Variants in DUSP22 observed in about 807,000 individuals in gnomAD.
The protein encoded by DUSP22 is dual specificity protein phosphatase 22.
In DUSP22, 24 loss-of-function variants were observed where a neutral mutation model predicts 24.5. That is an observed-to-expected ratio of 0.98 (90% CI 0.71 to 1.38). The LOEUF is 1.38. Ranked by LOEUF, DUSP22 falls within the 40% of genes most tolerant of loss-of-function variation. The pLI, the probability that DUSP22 is intolerant of heterozygous loss-of-function variation, is 0.00. For missense variants in DUSP22, 330 were observed against 269.2 expected (o/e 1.23, Z -1.58); for synonymous variants, 160 against 106.4 (o/e 1.50, Z -3.10).
chr6:332,145 C>G (rs934330815), intron 3 of DUSP22, among the ~76,000 whole-genome samples: 7 of 152,296 alleles, frequency 4.6e-5, no homozygotes, highest in African/African-American at 1.7e-4. Flanking sequence ...CTGCTGTGTG[C>G]CGGGCACCCT....
At chr6:343,659 G>GTGTGCATGTTTGCGTGTGCATGTTTGCA (rs1554102510) in intron 4 of DUSP22, among the ~76,000 whole-genome samples, 46 of 149,840 alleles carry the variant, frequency 3.1e-4, no homozygotes, top group Non-Finnish European at 1.7e-4. Context: ...CAGAACATGT[G>GTGTGCATGTTTGCGTGTGCATGTTTGCA]TGTGCATGTT....
chr6:336,448 T>G (rs1229160780), intron 4 of DUSP22, among the ~76,000 whole-genome samples: 1 of 152,304 alleles, frequency 6.6e-6, no homozygotes, highest in Non-Finnish European at 1.5e-5. Flanking sequence ...GTGCCACCAC[T>G]CTGGGAGTTA....
intron 4 of DUSP22, 148 bp downstream of exon 4, chr6:335,311 G>GCCAA (rs1418842612): frequency 3.0e-5 from 31 of 1,035,932 alleles, no homozygotes; most frequent in Admixed American, 1.4e-4. Flanking sequence ...GCCTACAGAG[G>GCCAA]CCAACGCTAG....
chr6:344,921 C>T (rs893242212), intron 4 of DUSP22, among the ~76,000 whole-genome samples: 2 of 152,294 alleles, frequency 1.3e-5, no homozygotes, highest in African/African-American at 4.8e-5. Context: ...CTGCACCATC[C>T]ACAGCTGGTG....
rs1581200490 is a variant in DUSP22, at chr6:351,087, G to A, written c.*2136G>A. On this transcript the variant is annotated 3_prime_UTR_variant, in exon 7 of 7. Transcript: ENST00000419235. ...TATCCCCACTGCTGTGGAGGTTTCT[G>A]TACCTCGCTTGGATGCCTGTAAGGA... is the stretch of plus-strand genomic sequence containing the variant. 1.4e-6 allele frequency: 1 copy of A among 734,294 alleles called. No homozygotes were observed. The highest frequency in any genetic ancestry group is 2.1e-6 in the Non-Finnish European group (1 of 467,480). 45.5% of individuals were successfully genotyped at this position (734,294 alleles called of 1,614,324 possible).
At chr6:337,521 G>A (rs962401212) in intron 4 of DUSP22, among the ~76,000 whole-genome samples, 1 of 152,302 alleles carries the variant, frequency 6.6e-6, no homozygotes, top group Non-Finnish European at 1.5e-5. Context: ...AGATATGCCA[G>A]CTTCTTCTCT....
At chr6:310,506 T>G (rs138995886) in intron 2 of DUSP22, among the ~76,000 whole-genome samples, 1 of 152,310 alleles carries the variant, frequency 6.6e-6, no homozygotes, top group Admixed American at 6.5e-5. Flanking sequence ...AGCCAACTGA[T>G]AGCTGATAGA....
At chr6:348,666 T>A (rs1414256181) in intron 6 of DUSP22, 103 bp from the exon 7 acceptor site, 2 of 1,543,672 alleles carry the variant, frequency 1.3e-6, no homozygotes, top group Non-Finnish European at 1.8e-6. Flanking sequence ...TTTCCCTGGT[T>A]ATGTGTGGCA....
At chr6:332,644 C>CTTTTTTTTTTTTTTTTT (rs3053546) in intron 3 of DUSP22, among the ~76,000 whole-genome samples, 3 of 148,066 alleles carry the variant, frequency 2.0e-5, no homozygotes, top group African/African-American at 7.4e-5. Context: ...TCCTGTCCTT[C>CTTTTTTTTTTTTTTTTT]TTTTTTTTTT....
chr6:337,759 T>C (rs1759421907), intron 4 of DUSP22, among the ~76,000 whole-genome samples: 1 of 152,308 alleles, frequency 6.6e-6, no homozygotes, highest in African/African-American at 2.4e-5. Context: ...AAGCAATTTT[T>C]CACCCCTCAC....
At chr6:300,708 C>A (rs1177800169) in intron 1 of DUSP22, among the ~76,000 whole-genome samples, 3 of 152,304 alleles carry the variant, frequency 2.0e-5, no homozygotes, top group Non-Finnish European at 4.4e-5. Context: ...CAGGAACAGA[C>A]CTGCTGTGCC....
chr6:348,760 C>T lies in DUSP22; in HGVS notation c.436-9C>T, dbSNP rs1461167882. ...TGTGACGTTTCGGGTTTGTTTCCAT[C>T]CTCTCCAGTATCGGCAGTGGCTGAA... On this transcript the variant is annotated splice_polypyrimidine_tract_variant and intron_variant, in intron 6 of 6. Transcript: ENST00000419235. 6.2e-7 allele frequency: 1 copy of T among 1,614,232 alleles called. No homozygotes were observed. Among genetic ancestry groups the T allele is most frequent in the East Asian group, 2.2e-5 (1 of 44,888 alleles).
At chr6:299,160 C>A (rs1050548653) in intron 1 of DUSP22, among the ~76,000 whole-genome samples, 1 of 152,300 alleles carries the variant, frequency 6.6e-6, no homozygotes, top group Non-Finnish European at 1.5e-5. Context: ...TTTTTTCCAA[C>A]TTGTCCTTGC....
intron 4 of DUSP22, chr6:336,960 A>G (rs1232212678): frequency 6.6e-6 from 1 of 152,410 alleles, no homozygotes; most frequent in Non-Finnish European, 1.5e-5. Context: ...TCAAACCGAG[A>G]TTCTGACATG....
intron 3 of DUSP22, among the ~76,000 whole-genome samples, chr6:334,088 G>A (rs1487308191): frequency 6.6e-6 from 1 of 152,308 alleles, no homozygotes; most frequent in Non-Finnish European, 1.5e-5. Context: ...AATTACTGAA[G>A]ATGCGTTGCG....
At chr6:335,774 C>T (rs1759334611) in intron 4 of DUSP22, among the ~76,000 whole-genome samples, 1 of 152,310 alleles carries the variant, frequency 6.6e-6, no homozygotes, top group Non-Finnish European at 1.5e-5. Flanking sequence ...GCTGTGTTTC[C>T]AGGGCTTGAG....
chr6:311,794 T>TG (rs1758113004), intron 2 of DUSP22, 86 bp from the exon 3 acceptor site: 480 of 1,367,160 alleles, frequency 3.5e-4, no homozygotes, highest in Non-Finnish European at 4.4e-4. Context: ...AGTCATTTTG[T>TG]GGGTTTTTTT....
At chr6:304,539 A>T in intron 1 of DUSP22, 89 bp from the exon 2 acceptor site, 1 of 1,591,584 alleles carries the variant, frequency 6.3e-7, no homozygotes, top group Non-Finnish European at 8.6e-7. Flanking sequence ...TGGCCTTTGC[A>T]GGGATCCTGC....
In DUSP22 at chr6:292,518, C is replaced by T. The variant is rs763740937; in HGVS notation, c.-22C>T. On this transcript the variant is annotated 5_prime_UTR_variant, in exon 1 of 7. Coordinates refer to ENST00000419235, the MANE Select transcript of DUSP22 (RefSeq NM_001286555.3). The stretch of plus-strand genomic sequence containing the variant: ...CGCCTGCGACCACACGGCCGGGGCG[C>T]TAGCGTTCGCCTTCAGCCACCATGG... The T allele has an allele frequency of 1.3e-5, 21 of 1,604,946 alleles. No homozygotes were observed. The highest frequency in any genetic ancestry group is 1.7e-5 in the Non-Finnish European group (20 of 1,175,898).
Sources: gnomAD v4.1 joint callset for allele counts (sites outside exome capture counted in the v4.1 genomes callset) on GRCh38, gnomAD v4.1.1 for gene constraint, MANE v1.5 for transcripts, NCBI Gene and HGNC (gene_info 2026-07-23, HGNC 2026-07-21) for gene names.